Variants in TJAP1 observed in about 807,000 individuals in gnomAD.
TJAP1 encodes the protein tight junction associated protein 1, also known as tight junction-associated protein 1.
In TJAP1, 27 loss-of-function variants were observed where a neutral mutation model predicts 42.0. That is an observed-to-expected ratio of 0.64 (90% CI 0.47 to 0.89). The LOEUF is 0.89. Among genes scored for constraint, TJAP1 ranks in the 40% least tolerant of loss-of-function variants. TJAP1 has a pLI of 0.00. For missense variants in TJAP1, 712 were observed against 726.9 expected (o/e 0.98, Z 0.24); for synonymous variants, 257 against 288.4 (o/e 0.89, Z 1.10).
rs530405088 is a variant in TJAP1 at position 43,495,477 on chromosome 6, G to A, written c.-121-2404G>A. ...CCCTGTGTTTATGGACACAGGGCAG[G>A]AAGTGGTTGGTACACATCTCCCTCG... On this transcript the variant is annotated intron_variant, in intron 2 of 10. Coordinates refer to ENST00000372449, the Ensembl canonical transcript of TJAP1. The surrounding 1 kb of genome is among the most constrained non-coding windows in gnomAD (Gnocchi z 4.6). 7.7e-4 allele frequency among the ~76,000 whole-genome samples: 117 copies of A among 152,304 alleles called. 1 individual carries two copies. In the Middle Eastern group the frequency reaches 0.024, roughly 31 times the overall value.
At position 43,504,881 on chromosome 6, in the gene TJAP1, C is replaced by T. The variant is rs564932795; in HGVS notation, c.700C>T (p.Arg234Ter). 53 of 1,614,198 alleles carry T rather than the reference C, an allele frequency of 3.3e-5. No homozygotes were observed. Among genetic ancestry groups the T allele is most frequent in the Non-Finnish European group, 4.0e-5 (47 of 1,180,030 alleles). ...TGTGGTGCCTACCTCAGTCATTGCC[C>T]GAGTGTTAGAGAAGCCGGAGTCTCT... Residue 234 changes from arginine to a stop codon, truncating the protein, a stop_gained, in exon 11 of 11, where the codon CGA (arginine) becomes TGA (stop). Transcript: ENST00000372449. LOFTEE classifies it high-confidence loss of function.
intron 1 of TJAP1, among the ~76,000 whole-genome samples, 175 bp from the exon 2 acceptor site, chr6:43,477,912 C>G (rs1784546340): frequency 1.3e-5 from 2 of 152,252 alleles, no homozygotes; most frequent in Admixed American, 1.3e-4. Context: ...AGGAAAATTT[C>G]TTAGCCGCGA....
Position 43,503,067 on chromosome 6 carries a change from C to G in TJAP1, c.388-334C>G. ...CAGCTGCACACATAGGAGGCTTCAG[C>G]CCCCTGGTTTGCAGTTACTGCCGTT... On this transcript the variant is annotated intron_variant, in intron 8 of 10. Coordinates refer to ENST00000372449, the Ensembl canonical transcript of TJAP1. 6.6e-6 allele frequency: 3 copies of G among 455,980 alleles called. No homozygotes were observed. The South Asian group carries it at 7.3e-5, about 11-fold the overall frequency. 28.2% of individuals were successfully genotyped at this position (455,980 alleles called of 1,614,324 possible). A position where few individuals can be genotyped will look rare whatever the true frequency, so the allele number is the denominator to read the frequency against.
intron 3 of TJAP1, 138 bp from the exon 4 acceptor site, chr6:43,498,840 T>A: frequency 1.2e-6 from 1 of 851,432 alleles, no homozygotes; most frequent in Non-Finnish European, 1.8e-6. Context: ...GCCCCTCTAG[T>A]GACTCCAGTA....
intron 8 of TJAP1, chr6:43,502,851 C>T (rs1240843614): frequency 5.0e-6 from 3 of 594,658 alleles, no homozygotes; most frequent in Non-Finnish European, 9.0e-6. Context: ...CCACTGAACA[C>T]CCAAAGCTTC....
rs372718630 is a variant in TJAP1, at chr6:43,501,652, C to T, written c.255C>T (p.Arg85=). 1.8e-5 allele frequency: 27 copies of T among 1,520,506 alleles called. No homozygotes were observed. In the African/African-American group the frequency reaches 2.5e-4, roughly 14 times the overall value. 94.2% of individuals were successfully genotyped at this position (1,520,506 alleles called of 1,614,324 possible). Residue 85 remains arginine (R), a synonymous_variant, in exon 6 of 11, where the codon CGC becomes CGT. Coordinates refer to ENST00000372449, the Ensembl canonical transcript of TJAP1. ...TGGAGCTGGAGCTGGGCCAGAGCCG[C>T]GAGGAGCTGGACAAATTTAAGGATA...
At chr6:43,479,831 G>C (rs1784944475) in intron 2 of TJAP1, among the ~76,000 whole-genome samples, 1 of 152,134 alleles carries the variant, frequency 6.6e-6, no homozygotes. Context: ...TCGGCTGGGC[G>C]TGGTGGCATG....
Position 43,505,353 on chromosome 6 carries a change from G to C in TJAP1, c.1172G>C (p.Ser391Thr). ...CAGGCCTCACCCCACCACCAGCCCA[G>C]CCCAGCACCCCTAACACTCAGTGCC... Residue 391 changes from serine (S) to threonine (T), a missense_variant, in exon 11 of 11, where the codon AGC becomes ACC. This residue lies in a region of TJAP1 where 549 missense variants were observed against 528.2 expected (regional missense o/e 1.04). Transcript: ENST00000372449. This position sits in a 1 kb window ranked among gnomAD's most constrained non-coding sequence, Gnocchi z 5.5. The C allele has an allele frequency of 6.2e-7, 1 of 1,608,820 alleles. No homozygotes were observed. Among genetic ancestry groups the C allele is most frequent in the Non-Finnish European group, 8.5e-7 (1 of 1,179,416 alleles).
rs1380777393 is a variant in TJAP1, at chr6:43,499,036, G to A, written c.35G>A (p.Arg12His). Residue 12 changes from arginine to histidine, a missense_variant, in exon 4 of 11, where the codon CGT becomes CAT. Transcript: ENST00000372449. ...GCCGCCCCTGCTAAGAAACCCTACC[G>A]TAAGGCACCACCAGAGCATCGGGAG... 4.3e-6 allele frequency: 7 copies of A among 1,614,068 alleles called. No homozygotes were observed. The East Asian group carries it at 6.7e-5, about 15-fold the overall frequency.
chr6:43,501,177 G>A, intron 5 of TJAP1: 1 of 375,168 alleles, frequency 2.7e-6, no homozygotes, highest in Non-Finnish European at 4.8e-6. Flanking sequence ...TGGGGAAACT[G>A]GAGCTGGGGG....
At chr6:43,500,923 T>C in intron 5 of TJAP1, 151 bp downstream of exon 5, 1 of 840,014 alleles carries the variant, frequency 1.2e-6, no homozygotes, top group Non-Finnish European at 2.0e-6. Context: ...GGAGTGTTGA[T>C]GTTGTGGATA....
chr6:43,494,822 C>T (rs1004247549), intron 2 of TJAP1, among the ~76,000 whole-genome samples: 3 of 152,210 alleles, frequency 2.0e-5, no homozygotes, highest in African/African-American at 7.2e-5. Flanking sequence ...ATCCGCCTGC[C>T]TTGGCCTCCC....
In TJAP1 at chr6:43,502,460, G is replaced by C. The variant is rs1791151266; in HGVS notation, c.357+111G>C. On this transcript the variant is annotated intron_variant, in intron 7 of 10. Transcript: ENST00000372449. ...CCCTGGGGCTTGAGGGAGATGGTGG[G>C]ATGGGGCAGTGGTGGGGGTACTGCA... 57 of 1,498,656 alleles carry C rather than the reference G, an allele frequency of 3.8e-5. 1 individual carries two copies. The South Asian group carries it at 6.5e-4, about 17-fold the overall frequency. 92.8% of individuals were successfully genotyped at this position (1,498,656 alleles called of 1,614,324 possible).
intron 10 of TJAP1, 172 bp from the exon 11 acceptor site, chr6:43,504,589 C>A: frequency 1.2e-6 from 1 of 842,122 alleles, no homozygotes; most frequent in Non-Finnish European, 1.9e-6. Flanking sequence ...CCTCTCCAGG[C>A]CTATGTGTCT....
chr6:43,494,814 C>T (rs2127566762), intron 2 of TJAP1, among the ~76,000 whole-genome samples: 1 of 152,310 alleles, frequency 6.6e-6, no homozygotes, highest in African/African-American at 2.4e-5. Flanking sequence ...CTCAAGTGAT[C>T]CGCCTGCCTT....
In TJAP1 at chr6:43,494,772, CA is replaced by C. The variant is rs199770618; in HGVS notation, c.-121-3108del. On this transcript the variant is annotated intron_variant, in intron 2 of 10. Transcript: ENST00000372449. ...AATTTTTGTAGAGACAGGGTTTCAC[CA>C]TGTTGGCCAGGCAGCTCTCGAACTC... Among the ~76,000 whole-genome samples, 84 of 151,986 alleles carry C rather than the reference CA, an allele frequency of 5.5e-4. No individual in the cohort carries two copies. In the East Asian group the frequency reaches 0.013, roughly 24 times the overall value.
At chr6:43,504,553 T>G in intron 10 of TJAP1, 1 of 667,652 alleles carries the variant, frequency 1.5e-6, no homozygotes, top group Non-Finnish European at 2.5e-6. Context: ...CTTGGCCAAG[T>G]TAACCAAAGC....
At chr6:43,501,915 ACACACACACACACTCT>A (rs1790814227) in intron 6 of TJAP1, among the ~76,000 whole-genome samples, 2 of 128,586 alleles carry the variant, frequency 1.6e-5, no homozygotes, top group Middle Eastern at 3.6e-3. Context: ...ACACACACAC[ACACACACACACACTCT>A]CTCTCTCTCT....
Position 43,495,445 on chromosome 6 carries a change from G to A in TJAP1, c.-121-2436G>A, listed in dbSNP as rs748498286. ...AAGTTGGAGCTAGGGCCTGGGTGTT[G>A]GGCACACCCTGTGTTTATGGACACA... On this transcript the variant is annotated intron_variant, in intron 2 of 10. Transcript: ENST00000372449. The surrounding 1 kb of genome is among the most constrained non-coding windows in gnomAD (Gnocchi z 4.6). 6.6e-6 allele frequency among the ~76,000 whole-genome samples: 1 copy of A among 152,174 alleles called. No individual in the cohort carries two copies.
Sources: allele counts gnomAD v4.1 joint callset (sites outside exome capture counted in the v4.1 genomes callset), GRCh38; gene constraint gnomAD v4.1.1; regional missense constraint gnomAD v4.1.1; non-coding constraint Gnocchi (gnomAD v3.1); transcripts MANE v1.5; gene names NCBI Gene and HGNC (gene_info 2026-07-23, HGNC 2026-07-21).